GRIA1: variants seen among roughly 807,000 people sequenced by gnomAD.
GRIA1 encodes glutamate receptor 1.
A neutral mutation model predicts 99.2 loss-of-function variants in GRIA1; 31 were observed. The observed-to-expected ratio is 0.31, with a 90% CI of 0.23 to 0.42. GRIA1 has a LOEUF of 0.42. Among genes scored for constraint, GRIA1 ranks in the 10% least tolerant of loss-of-function variants. The pLI, the probability that GRIA1 is intolerant of heterozygous loss-of-function variation, is 1.00. For synonymous variants in GRIA1, 438 were observed against 432.4 expected, an observed-to-expected ratio of 1.01 and a Z score of -0.16; for missense variants, 782 against 1,157.5, an observed-to-expected ratio of 0.68 and a Z score of 4.71.
chr5:153,793,301 A>T (rs900445066), intron 13 of GRIA1, among the ~76,000 whole-genome samples: 33 of 152,184 alleles, frequency 2.2e-4, no homozygotes, highest in Admixed American at 5.2e-4. Context: ...TCTGGGTTTG[A>T]TGGCTTCTTT....
At chr5:153,510,024 C>T (rs139154460) in intron 2 of GRIA1, among the ~76,000 whole-genome samples, 1 of 152,232 alleles carries the variant, frequency 6.6e-6, no homozygotes, top group African/African-American at 2.4e-5. Flanking sequence ...ATGACAGCAA[C>T]AACAAAACCC....
At chr5:153,591,777 C>A (rs1355492725) in intron 2 of GRIA1, among the ~76,000 whole-genome samples, 3 of 152,122 alleles carry the variant, frequency 2.0e-5, no homozygotes, top group Admixed American at 2.0e-4. Context: ...ATTCCTGCAG[C>A]AAGAATGCCA....
At chr5:153,778,674 CACACACACACACAT>C (rs1223040985) in intron 13 of GRIA1, among the ~76,000 whole-genome samples, 52 of 151,856 alleles carry the variant, frequency 3.4e-4, no homozygotes, top group Non-Finnish European at 5.6e-4. Flanking sequence ...CACACACACA[CACACACACACACAT>C]ACACGCACAC....
chr5:153,691,669 C>G (rs944011385), intron 8 of GRIA1, among the ~76,000 whole-genome samples: 2 of 152,112 alleles, frequency 1.3e-5, no homozygotes, highest in African/African-American at 4.8e-5. Flanking sequence ...CAATTTTGAC[C>G]ATACTGAATC....
At chr5:153,808,048 A>G (rs2149680051) in intron 15 of GRIA1, among the ~76,000 whole-genome samples, 1 of 152,362 alleles carries the variant, frequency 6.6e-6, no homozygotes, top group East Asian at 1.9e-4. Context: ...GGTGCTTTGC[A>G]CGCCTGCCTG....
chr5:153,770,048 C>T, intron 12 of GRIA1, 120 bp from the exon 13 acceptor site: 1 of 992,580 alleles, frequency 1.0e-6, no homozygotes, highest in Non-Finnish European at 1.5e-6. Flanking sequence ...TAATTTGTTT[C>T]TTCCTGAGCT....
chr5:153,621,815 A>G (rs889876029), intron 2 of GRIA1, among the ~76,000 whole-genome samples: 1 of 152,228 alleles, frequency 6.6e-6, no homozygotes, highest in African/African-American at 2.4e-5. Flanking sequence ...GTCAACTGAG[A>G]AAAAGGGAAA....
chr5:153,646,332 C>T (rs1469814065), intron 2 of GRIA1, among the ~76,000 whole-genome samples: 2 of 152,128 alleles, frequency 1.3e-5, no homozygotes, highest in Admixed American at 6.5e-5. Flanking sequence ...TTTTCTTAAA[C>T]GTGTATTAGC....
At chr5:153,629,552 G>T (rs930936958) in intron 2 of GRIA1, among the ~76,000 whole-genome samples, 9 of 152,252 alleles carry the variant, frequency 5.9e-5, no homozygotes, top group African/African-American at 2.2e-4. Flanking sequence ...CTCTAGCTGT[G>T]CAGTGGTGAC....
At chr5:153,516,025 CCTGG>C (rs1756591199) in intron 2 of GRIA1, among the ~76,000 whole-genome samples, 1 of 152,058 alleles carries the variant, frequency 6.6e-6, no homozygotes, top group Admixed American at 6.5e-5. Flanking sequence ...TTGAGACCAT[CCTGG>C]CTAACACGGT....
At chr5:153,494,171 G>A (rs746262742) in intron 2 of GRIA1, 106 bp downstream of exon 2, 317 of 1,234,756 alleles carry the variant, frequency 2.6e-4, no homozygotes, top group Non-Finnish European at 3.0e-4. Context: ...GTTGCCATTC[G>A]TCTTTGTAAG....
intron 2 of GRIA1, among the ~76,000 whole-genome samples, chr5:153,538,760 T>TC (rs1242611872): frequency 6.6e-6 from 1 of 152,222 alleles, no homozygotes; most frequent in Non-Finnish European, 1.5e-5. Context: ...ATTAGGTCTT[T>TC]ACCAATTGAT....
intron 2 of GRIA1, among the ~76,000 whole-genome samples, chr5:153,594,468 G>A (rs555513797): frequency 2.0e-5 from 3 of 151,614 alleles, no homozygotes; most frequent in African/African-American, 4.8e-5. Context: ...ACTTCCTAGA[G>A]TTCTTTTTTG....
In GRIA1 at chr5:153,567,538, A is replaced by G. The variant is rs1411020580; in HGVS notation, c.220+73473A>G. ...GTAGCAGGATCTCTGACCTCTACCC[A>G]CTAGGTACCATTAGTACCTCCCTCA... On this transcript the variant is annotated intron_variant, in intron 2 of 15. Transcript: ENST00000285900. Among the ~76,000 whole-genome samples the G allele has an allele frequency of 2.0e-5, 3 of 152,304 alleles. No individual in the cohort carries two copies. The East Asian group carries it at 5.8e-4, about 29-fold the overall frequency.
chr5:153,609,510 T>G (rs1765772880), intron 2 of GRIA1, among the ~76,000 whole-genome samples: 1 of 151,826 alleles, frequency 6.6e-6, no homozygotes, highest in African/African-American at 2.4e-5. Flanking sequence ...TCCTTCTCAT[T>G]CACCTTAGCC....
intron 12 of GRIA1, among the ~76,000 whole-genome samples, chr5:153,768,671 C>A (rs767343790): frequency 1.3e-5 from 2 of 151,950 alleles, no homozygotes; most frequent in African/African-American, 4.8e-5. Flanking sequence ...CAACAGTTGA[C>A]GTGCGCTAAT....
At position 153,659,992 on chromosome 5, in the gene GRIA1, G is replaced by A. The variant is rs532231388; in HGVS notation, c.699+4120G>A. 3.3e-5 allele frequency among the ~76,000 whole-genome samples: 5 copies of A among 152,118 alleles called. No homozygotes were observed. The South Asian group carries it at 8.3e-4, about 25-fold the overall frequency. On this transcript the variant is annotated intron_variant, in intron 5 of 15. Coordinates refer to ENST00000285900, the MANE Select transcript of GRIA1 (RefSeq NM_000827.4). ...TATTTCTGTATGAATCATACTACCG[G>A]GTTTTGGATGTCATAATACTCCTAT...
chr5:153,712,514 C>T (rs1348298017), intron 11 of GRIA1, among the ~76,000 whole-genome samples: 1 of 152,196 alleles, frequency 6.6e-6, no homozygotes, highest in Non-Finnish European at 1.5e-5. Context: ...CCTCTTTCCC[C>T]TCTTTCCCCC....
At chr5:153,555,584 G>T (rs980092368) in intron 2 of GRIA1, among the ~76,000 whole-genome samples, 1 of 152,066 alleles carries the variant, frequency 6.6e-6, no homozygotes, top group Admixed American at 6.6e-5. Flanking sequence ...CACTTGCAAC[G>T]CAAAGACCAG....
Sources: gnomAD v4.1 joint callset for allele counts (sites outside exome capture counted in the v4.1 genomes callset) on GRCh38, gnomAD v4.1.1 for gene constraint, MANE v1.5 for transcripts, NCBI Gene and HGNC (gene_info 2026-07-23, HGNC 2026-07-21) for gene names.